Variants in SCLT1 observed in about 807,000 individuals in gnomAD.
The protein encoded by SCLT1 is sodium channel and clathrin linker 1, also known as sodium channel-associated protein 1.
A neutral mutation model predicts 112.8 loss-of-function variants in SCLT1; 78 were observed. The observed-to-expected ratio is 0.69, with a 90% CI of 0.58 to 0.83. SCLT1 has a LOEUF of 0.83. Ranked by LOEUF, SCLT1 falls within the 40% of genes least tolerant of loss-of-function variation. The pLI is 0.00. For missense variants in SCLT1, 747 were observed against 770.4 expected, an observed-to-expected ratio of 0.97 and a Z score of 0.36; for synonymous variants, 257 against 254.7, an observed-to-expected ratio of 1.01 and a Z score of -0.09.
At chr4:128,968,900 A>G (rs1415132670) in intron 10 of SCLT1, among the ~76,000 whole-genome samples, 1 of 152,192 alleles carries the variant, frequency 6.6e-6, no homozygotes, top group Admixed American at 6.5e-5. Flanking sequence ...GTTAGGGCTC[A>G]TCATCTTTGT....
rs569779212 is a variant in SCLT1, at chr4:129,023,737, T to A, written c.290+15304A>T. Among the ~76,000 whole-genome samples, 4 of 152,286 alleles carry A rather than the reference T, an allele frequency of 2.6e-5. No homozygotes were observed. The East Asian group carries it at 7.7e-4, about 29-fold the overall frequency. On this transcript the variant is annotated intron_variant, in intron 5 of 20. Coordinates refer to ENST00000281142, the MANE Select transcript of SCLT1 (RefSeq NM_144643.4). The stretch of plus-strand genomic sequence containing the variant: ...GTGCGAGCTGAAGCAGGGCGAGGCA[T>A]TGCCTCACTCGGGAAGCGCAAGGGG...
At chr4:128,941,827 A>G (rs1737718610) in intron 17 of SCLT1, among the ~76,000 whole-genome samples, 1 of 152,098 alleles carries the variant, frequency 6.6e-6, no homozygotes, top group African/African-American at 2.4e-5. Flanking sequence ...TAATTTGCAT[A>G]TATGCTGTGA....
At chr4:128,948,855 A>G (rs1436023599) in intron 14 of SCLT1, among the ~76,000 whole-genome samples, 5 of 152,062 alleles carry the variant, frequency 3.3e-5, no homozygotes, top group African/African-American at 7.2e-5. Flanking sequence ...CATACTATAG[A>G]TTTTCTTTTC....
At chr4:128,970,594 T>C (rs1740608643) in intron 9 of SCLT1, 126 bp from the exon 10 acceptor site, 2 of 623,076 alleles carry the variant, frequency 3.2e-6, no homozygotes, top group Non-Finnish European at 5.6e-6. Flanking sequence ...ATCCATGGAA[T>C]AAATTTTGGA....
chr4:129,012,464 C>A (rs561245756), intron 5 of SCLT1, among the ~76,000 whole-genome samples: 1 of 152,206 alleles, frequency 6.6e-6, no homozygotes, highest in East Asian at 1.9e-4. Context: ...AGAACATGTG[C>A]CATGTGGTGA....
At chr4:128,982,449 C>G (rs1192427221) in intron 9 of SCLT1, among the ~76,000 whole-genome samples, 1 of 152,136 alleles carries the variant, frequency 6.6e-6, no homozygotes, top group African/African-American at 2.4e-5. Context: ...TTATAGGCTC[C>G]TTACATGAAT....
intron 5 of SCLT1, among the ~76,000 whole-genome samples, chr4:129,011,063 G>A (rs1744479173): frequency 6.6e-6 from 1 of 152,168 alleles, no homozygotes; most frequent in African/African-American, 2.4e-5. Flanking sequence ...GTTTTTCATA[G>A]ATGACTCTTA....
intron 5 of SCLT1, among the ~76,000 whole-genome samples, chr4:129,009,689 G>A (rs1744349971): frequency 6.6e-6 from 1 of 152,044 alleles, no homozygotes; most frequent in South Asian, 2.1e-4. Context: ...TCTCATTGTG[G>A]TTTTGATTTG....
At chr4:128,882,747 C>T (rs780754124), downstream of SCLT1, among the ~76,000 whole-genome samples, 2 of 152,068 alleles carry the variant, frequency 1.3e-5, no homozygotes, top group African/African-American at 2.4e-5. Context: ...AGGGAAACTA[C>T]GGTGCACTAT....
chr4:129,057,409 C>CTTTT (rs35098310), intron 2 of SCLT1, among the ~76,000 whole-genome samples: 2 of 132,600 alleles, frequency 1.5e-5, no homozygotes, highest in African/African-American at 2.8e-5. Flanking sequence ...TAATATTATT[C>CTTTT]TTTTTTTTTT....
rs114154285 is a variant in SCLT1 at position 129,038,952 on chromosome 4, T to C, written c.290+89A>G. Reference sequence around the variant, plus strand: ...CCCCGGGGTCCACATTCTTAACTATTAATACTATAGCTATCAAATATCAAA... The same window carrying C: ...CCCCGGGGTCCACATTCTTAACTATCAATACTATAGCTATCAAATATCAAA... On this transcript the variant is annotated intron_variant, in intron 5 of 20. Transcript: ENST00000281142. The C allele has an allele frequency of 9.6e-3, 7,911 of 822,746 alleles. 434 individuals carry two copies. The African/African-American group carries it at 0.12, about 13-fold the overall frequency. The allele number at this position is 822,746 out of a possible 1,614,324, so 51.0% of individuals were successfully genotyped here. A position where few individuals can be genotyped will look rare whatever the true frequency, so the allele number is the denominator to read the frequency against.
At chr4:129,019,842 C>CT (rs1270888423) in intron 5 of SCLT1, among the ~76,000 whole-genome samples, 2 of 151,770 alleles carry the variant, frequency 1.3e-5, no homozygotes, top group African/African-American at 2.4e-5. Flanking sequence ...TTGTTGTTTC[C>CT]TTTTTTATGC....
At chr4:129,036,540 T>G (rs533263857) in intron 5 of SCLT1, 1 of 151,690 alleles carries the variant, frequency 6.6e-6, no homozygotes, top group African/African-American at 2.4e-5. Flanking sequence ...AATACTAAGA[T>G]TAAAAAAAAT....
At chr4:128,928,163 C>G (rs888985727) in intron 18 of SCLT1, among the ~76,000 whole-genome samples, 3 of 151,808 alleles carry the variant, frequency 2.0e-5, no homozygotes, top group Admixed American at 2.0e-4. Context: ...AATTCCAGGC[C>G]AAGAGATTTC....
In SCLT1 at chr4:128,888,722, C is replaced by T. The variant is rs532919376; in HGVS notation, c.1961G>A (p.Arg654His). Residue 654 changes from arginine (R) to histidine (H), a missense_variant, in exon 20 of 21, where the codon CGT (arginine) becomes CAT (histidine). Coordinates refer to ENST00000281142, the MANE Select transcript of SCLT1 (RefSeq NM_144643.4). ...AGCTCTCTCTTCTGCCTGACTTAGA[C>T]GCCTTTGAAGTCTGTTGGCTTTTTC... ...HQEKANRLQR[R>H]LSQAEERAAS... 1.6e-5 allele frequency: 26 copies of T among 1,613,322 alleles called. No homozygotes were observed. Among genetic ancestry groups the T allele is most frequent in the African/African-American group, 4.0e-5 (3 of 74,990 alleles).
chr4:129,007,270 T>C (rs1056312006), intron 5 of SCLT1, among the ~76,000 whole-genome samples: 12 of 152,190 alleles, frequency 7.9e-5, no homozygotes, highest in Admixed American at 7.2e-4. Context: ...TTAATTGCAT[T>C]ATTCAAATAT....
At chr4:128,987,368 A>G (rs1245786678) in intron 9 of SCLT1, among the ~76,000 whole-genome samples, 3 of 152,200 alleles carry the variant, frequency 2.0e-5, no homozygotes, top group Non-Finnish European at 2.9e-5. Flanking sequence ...AGTGTGACCA[A>G]TCCTAGAGTG....
intron 2 of SCLT1, among the ~76,000 whole-genome samples, chr4:129,067,449 T>C (rs1561044326): frequency 6.6e-6 from 1 of 151,790 alleles, no homozygotes; most frequent in African/African-American, 2.4e-5. Flanking sequence ...GTAGCCTACA[T>C]AATTTCAAAA....
At chr4:128,997,725 G>A (rs1004214269) in intron 8 of SCLT1, 149 bp downstream of exon 8, 3 of 450,086 alleles carry the variant, frequency 6.7e-6, no homozygotes, top group Non-Finnish European at 8.0e-6. Flanking sequence ...TGTAAACTGT[G>A]TCATGCTATT....
Sources: allele counts gnomAD v4.1 joint callset (sites outside exome capture counted in the v4.1 genomes callset), GRCh38; gene constraint gnomAD v4.1.1; transcripts MANE v1.5; gene names NCBI Gene and HGNC (gene_info 2026-07-23, HGNC 2026-07-21).